OPRM1: variants seen among roughly 807,000 people sequenced by gnomAD.
The protein encoded by OPRM1 is opioid receptor mu 1.
OPRM1 carries 27 observed loss-of-function variants against 31.8 expected under a neutral mutation model. The observed-to-expected ratio is 0.85, with a 90% CI of 0.63 to 1.17. The LOEUF (loss-of-function observed/expected upper bound fraction) is 1.17, where lower values mean the gene tolerates loss of function less well. Ranked by LOEUF, OPRM1 falls within the 50% of genes most tolerant of loss-of-function variation. The pLI, the probability that OPRM1 is intolerant of heterozygous loss-of-function variation, is 0.00. For missense variants in OPRM1, 536 were observed against 511.1 expected (o/e 1.05, Z -0.47); for synonymous variants, 196 against 189.9 (o/e 1.03, Z -0.26).
intron 3 of OPRM1, among the ~76,000 whole-genome samples, chr6:154,228,571 C>A (rs907289359): frequency 6.6e-6 from 1 of 152,200 alleles, no homozygotes; most frequent in Admixed American, 6.5e-5. Flanking sequence ...TTTTGTTCAT[C>A]TCAGTGGAGT....
At chr6:154,143,866 A>G (rs1346271979) in intron 3 of OPRM1, among the ~76,000 whole-genome samples, 1 of 152,198 alleles carries the variant, frequency 6.6e-6, no homozygotes, top group Non-Finnish European at 1.5e-5. Flanking sequence ...AGAGAAAATC[A>G]CTAAAATAAA....
In OPRM1 at chr6:154,124,921, T is replaced by C. The variant is rs1797500921; in HGVS notation, c.*6200T>C. On this transcript the variant is annotated 3_prime_UTR_variant, in exon 4 of 4. Coordinates refer to ENST00000330432, the MANE Select transcript of OPRM1 (RefSeq NM_000914.5). ...ATTATCTCTAAAAGCACTCAGACAT[T>C]TTGTAGAGCAAGTAGCAATCTATTC... is the stretch of plus-strand genomic sequence containing the variant. Among the ~76,000 whole-genome samples the C allele has an allele frequency of 6.6e-6, 1 of 152,186 alleles. No individual in the cohort carries two copies. Among genetic ancestry groups the C allele is most frequent in the South Asian group, 2.1e-4 (1 of 4,826 alleles).
In OPRM1 at chr6:154,040,173, C is replaced by T. The variant is rs1375895583; in HGVS notation, c.290+339C>T. Among the ~76,000 whole-genome samples, 4 of 151,846 alleles carry T rather than the reference C, an allele frequency of 2.6e-5. No homozygotes were observed. In the East Asian group the frequency reaches 7.7e-4, roughly 29 times the overall value. On this transcript the variant is annotated intron_variant, in intron 1 of 3. Coordinates refer to ENST00000330432, the MANE Select transcript of OPRM1 (RefSeq NM_000914.5). ...GAGCAAAGAGGGCTCTTGGCAGAGT[C>T]CTACACTCAGTCCCTCTGCAGGAGC...
At chr6:154,211,608 G>GA (rs1197705573) in intron 3 of OPRM1, among the ~76,000 whole-genome samples, 2 of 151,832 alleles carry the variant, frequency 1.3e-5, no homozygotes, top group African/African-American at 2.4e-5. Flanking sequence ...AAACCAGTGG[G>GA]AAAAAAAGGC....
At chr6:154,026,762 G>A (rs2128385180) in intron 1 of OPRM1, among the ~76,000 whole-genome samples, 1 of 152,232 alleles carries the variant, frequency 6.6e-6, no homozygotes, top group East Asian at 1.9e-4. Context: ...CAGTATGTCA[G>A]TTGCATTTTT....
At chr6:154,142,107 C>T (rs192208955) in intron 3 of OPRM1, among the ~76,000 whole-genome samples, 74 of 52,640 alleles carry the variant, frequency 1.4e-3, no homozygotes, top group African/African-American at 4.7e-3. Context: ...TAATCTGTCC[C>T]CTCCAACCTC....
chr6:154,035,119 T>G (rs576338191), upstream of OPRM1, among the ~76,000 whole-genome samples: 56 of 152,336 alleles, frequency 3.7e-4, no homozygotes, highest in Middle Eastern at 3.4e-3. Flanking sequence ...ATTTTTATTT[T>G]ACAGAAAAGG....
At chr6:154,134,925 A>G (rs554268028), downstream of OPRM1, among the ~76,000 whole-genome samples, 1 of 151,412 alleles carries the variant, frequency 6.6e-6, no homozygotes, top group South Asian at 2.1e-4. Context: ...TATTTAAATT[A>G]GGTTTCATTT....
At chr6:154,201,273 T>A (rs551175164) in intron 3 of OPRM1, among the ~76,000 whole-genome samples, 4 of 152,376 alleles carry the variant, frequency 2.6e-5, no homozygotes, top group Admixed American at 2.0e-4. Context: ...ACTTCATTTA[T>A]TCTGAGATTT....
intron 1 of OPRM1, 21 bp downstream of exon 1, chr6:154,039,855 C>T: frequency 6.4e-7 from 1 of 1,555,092 alleles, no homozygotes; most frequent in Non-Finnish European, 8.7e-7. Context: ...CGCCAGGGCT[C>T]CGAGCGGAGG....
At chr6:154,197,754 T>C (rs889604465) in intron 3 of OPRM1, among the ~76,000 whole-genome samples, 7 of 152,150 alleles carry the variant, frequency 4.6e-5, no homozygotes, top group Non-Finnish European at 1.0e-4. Context: ...ACCTCCAGGG[T>C]TATCTCTTGG....
intron 1 of OPRM1, among the ~76,000 whole-genome samples, chr6:154,058,760 A>C (rs1031391533): frequency 1.3e-5 from 2 of 152,148 alleles, no homozygotes. Context: ...ACTGACTTTT[A>C]CTGAAAGTAA....
At chr6:154,106,433 C>T (rs886921949) in intron 3 of OPRM1, among the ~76,000 whole-genome samples, 1 of 152,194 alleles carries the variant, frequency 6.6e-6, no homozygotes, top group African/African-American at 2.4e-5. Flanking sequence ...ATGACTAACT[C>T]CGCATGTCCC....
rs572842854 is a variant in OPRM1, at chr6:154,086,946, C to A, written c.291-2880C>A. The A allele has an allele frequency of 3.3e-5, 32 of 983,858 alleles. 1 individual carries two copies. The Admixed American group carries it at 5.5e-4, about 17-fold the overall frequency. The allele number at this position is 983,858 out of a possible 1,614,324, so 60.9% of individuals were successfully genotyped here. On this transcript the variant is annotated intron_variant, in intron 1 of 3. Transcript: ENST00000330432. ...AGGTCAATTATTCTAAATCTTAAAACCACAGTTTTAATTTTGCTTTTTTGT... is the reference window on the plus strand; with the variant it reads ...AGGTCAATTATTCTAAATCTTAAAAACACAGTTTTAATTTTGCTTTTTTGT...
intron 1 of OPRM1, among the ~76,000 whole-genome samples, chr6:154,078,201 C>G (rs936772746): frequency 6.6e-6 from 1 of 152,190 alleles, no homozygotes; most frequent in Non-Finnish European, 1.5e-5. Context: ...GCTTTATAAA[C>G]TACCCATATG....
intron 3 of OPRM1, among the ~76,000 whole-genome samples, chr6:154,243,698 A>T (rs995977384): frequency 6.6e-6 from 1 of 152,200 alleles, no homozygotes; most frequent in Non-Finnish European, 1.5e-5. Flanking sequence ...TGTGTCATGT[A>T]TCCTGGCCCG....
At chr6:154,226,772 G>A (rs955385841) in intron 3 of OPRM1, among the ~76,000 whole-genome samples, 3 of 151,906 alleles carry the variant, frequency 2.0e-5, no homozygotes, top group Non-Finnish European at 2.9e-5. Flanking sequence ...AGCTGCCCTC[G>A]GGTCAAGTCT....
intron 3 of OPRM1, among the ~76,000 whole-genome samples, chr6:154,181,670 G>C (rs1337268050): frequency 1.3e-5 from 2 of 152,144 alleles, no homozygotes; most frequent in East Asian, 3.9e-4. Flanking sequence ...TCCCCACCCG[G>C]AGCCTCTGCT....
At position 154,127,714 on chromosome 6, in the gene OPRM1, A is replaced by G. The variant is rs1797673551; in HGVS notation, c.*8993A>G. ...CAATCTCCAATATCCTGACTAGCACAAGAAATCCATAGGTTGATTCTTGTT... is the reference window on the plus strand; with the variant it reads ...CAATCTCCAATATCCTGACTAGCACGAGAAATCCATAGGTTGATTCTTGTT... On this transcript the variant is annotated 3_prime_UTR_variant, in exon 4 of 4. Transcript: ENST00000330432. Among the ~76,000 whole-genome samples, 1 of 152,230 alleles carries G rather than the reference A, an allele frequency of 6.6e-6. No homozygotes were observed. Among genetic ancestry groups the G allele is most frequent in the African/African-American group, 2.4e-5 (1 of 41,460 alleles).
Sources: allele counts gnomAD v4.1 joint callset (sites outside exome capture counted in the v4.1 genomes callset), GRCh38; gene constraint gnomAD v4.1.1; transcripts MANE v1.5; gene names NCBI Gene and HGNC (gene_info 2026-07-23, HGNC 2026-07-21).